The following POLA1 variants were observed in gnomAD, a reference collection of about 807,000 sequenced individuals.
The protein encoded by POLA1 is DNA polymerase alpha catalytic subunit.
A neutral mutation model predicts 124.0 loss-of-function variants in POLA1; 15 were observed. The ratio of observed to expected loss-of-function variants is 0.12; its 90% confidence interval spans 0.08 to 0.19. The LOEUF (loss-of-function observed/expected upper bound fraction) is 0.19. Among genes scored for constraint, POLA1 ranks in the 10% least tolerant of loss-of-function variants. The probability of loss-of-function intolerance (pLI) is 1.00; values close to 1 mark genes in which losing one functional copy is unlikely to be tolerated. For synonymous variants in POLA1, 408 were observed against 389.4 expected (o/e 1.05, Z -0.56); for missense variants, 886 against 1,103.4 (o/e 0.80, Z 2.79).
intron 26 of POLA1, among the ~76,000 whole-genome samples, chrX:24,803,162 T>C (rs556059834): frequency 1.8e-5 from 2 of 111,724 alleles, no homozygotes; most frequent in Admixed American, 1.9e-4. Flanking sequence ...CAGTTGAATG[T>C]GTGCCTGGAT....
At chrX:24,844,181 T>A (rs1569335767) in intron 34 of POLA1, among the ~76,000 whole-genome samples, 1 of 111,743 alleles carries the variant, frequency 8.9e-6, no homozygotes, top group Non-Finnish European at 1.9e-5. Flanking sequence ...TCTTTTAAAT[T>A]TAAATGCAGT....
chrX:24,882,597 C>T (rs2047016072), intron 34 of POLA1, among the ~76,000 whole-genome samples: 1 of 110,632 alleles, frequency 9.0e-6, no homozygotes. Context: ...CATTAATCTG[C>T]TTAGCATGAT....
intron 4 of POLA1, among the ~76,000 whole-genome samples, chrX:24,709,322 C>A (rs868222892): frequency 1.1e-5 from 1 of 89,200 alleles, no homozygotes; most frequent in Non-Finnish European, 2.2e-5. Flanking sequence ...CCGGATGGGG[C>A]GGCTGGCTGG....
At chrX:24,857,534 A>G (rs1257033064) in intron 34 of POLA1, among the ~76,000 whole-genome samples, 1 of 111,122 alleles carries the variant, frequency 9.0e-6, no homozygotes, top group Non-Finnish European at 1.9e-5. Flanking sequence ...TGAACACTTT[A>G]TGTCTCATTT....
intron 36 of POLA1, among the ~76,000 whole-genome samples, chrX:24,952,064 G>A (rs11573491): frequency 9.0e-6 from 1 of 111,667 alleles, no homozygotes; most frequent in Non-Finnish European, 1.9e-5. Context: ...GAGTGCTTTG[G>A]TAAATGTGTT....
At chrX:24,906,981 A>C (rs2047377367) in intron 35 of POLA1, among the ~76,000 whole-genome samples, 1 of 111,508 alleles carries the variant, frequency 9.0e-6, no homozygotes, top group Admixed American at 9.5e-5. Context: ...TGAGGCCAGG[A>C]GTTCAAGACC....
chrX:24,743,402 C>T, intron 23 of POLA1, 73 bp downstream of exon 23: 1 of 525,326 alleles, frequency 1.9e-6, no homozygotes, highest in Middle Eastern at 3.4e-4. Context: ...GCTTGAGAAA[C>T]TAGAAGACTG....
At chrX:24,868,875 A>G (rs1450751362) in intron 34 of POLA1, among the ~76,000 whole-genome samples, 1 of 112,069 alleles carries the variant, frequency 8.9e-6, no homozygotes, top group African/African-American at 3.2e-5. Context: ...AAAGAAGAAA[A>G]GCCCACAAAT....
At chrX:24,870,747 A>C (rs932535473) in intron 34 of POLA1, among the ~76,000 whole-genome samples, 1 of 111,984 alleles carries the variant, frequency 8.9e-6, no homozygotes, top group Non-Finnish European at 1.9e-5. Context: ...GGCATTCCTA[A>C]AATCATCTTA....
intron 6 of POLA1, among the ~76,000 whole-genome samples, chrX:24,715,645 A>G (rs1929781114): frequency 9.0e-6 from 1 of 111,552 alleles, no homozygotes; most frequent in African/African-American, 3.3e-5. Flanking sequence ...ACCCCCCACC[A>G]AAAAACAAAG....
chrX:24,933,036 A>G (rs752732717), intron 36 of POLA1, among the ~76,000 whole-genome samples: 17 of 111,805 alleles, frequency 1.5e-4, no homozygotes, highest in Non-Finnish European at 2.8e-4. Flanking sequence ...CATAGATCCT[A>G]TGTCCACAGA....
chrX:24,868,422 C>T (rs759379706), intron 34 of POLA1, among the ~76,000 whole-genome samples: 1 of 111,838 alleles, frequency 8.9e-6, no homozygotes, highest in Non-Finnish European at 1.9e-5. Flanking sequence ...TCTTGTATCA[C>T]TGTGCAATAG....
chrX:24,990,907 C>G (rs1034810738), intron 36 of POLA1, among the ~76,000 whole-genome samples: 4 of 112,178 alleles, frequency 3.6e-5, no homozygotes, highest in African/African-American at 1.3e-4. Context: ...TGCTCTCATT[C>G]AGCCACTTCA....
At chrX:24,780,554 C>T (rs977113405) in intron 26 of POLA1, among the ~76,000 whole-genome samples, 11 of 111,818 alleles carry the variant, frequency 9.8e-5, no homozygotes, top group African/African-American at 3.6e-4. Flanking sequence ...TTGAAGTGAT[C>T]ATGAGATTTT....
At chrX:24,971,807 T>C (rs1276372544) in intron 36 of POLA1, among the ~76,000 whole-genome samples, 4 of 110,973 alleles carry the variant, frequency 3.6e-5, no homozygotes, top group Non-Finnish European at 7.5e-5. Flanking sequence ...GCTTAGAGAG[T>C]GTAAAGGGTG....
intron 26 of POLA1, among the ~76,000 whole-genome samples, chrX:24,769,142 A>G (rs2044973180): frequency 8.9e-6 from 1 of 111,737 alleles, no homozygotes; most frequent in African/African-American, 3.3e-5. Flanking sequence ...TCCTCATTCT[A>G]TGTAAGAATT....
chrX:24,733,373 T>C (rs1931058466), intron 16 of POLA1, among the ~76,000 whole-genome samples: 1 of 112,252 alleles, frequency 8.9e-6, no homozygotes, highest in African/African-American at 3.2e-5. Flanking sequence ...GAACTTACAG[T>C]GTGTAATAGG....
intron 26 of POLA1, among the ~76,000 whole-genome samples, chrX:24,752,498 A>T (rs1932370717): frequency 1.8e-5 from 2 of 112,267 alleles, no homozygotes; most frequent in Non-Finnish European, 3.8e-5. Context: ...CATAAAAAAG[A>T]AATTGGGCAA....
chrX:24,782,681 C>G (rs781085532), intron 26 of POLA1, among the ~76,000 whole-genome samples: 1 of 110,636 alleles, frequency 9.0e-6, no homozygotes, highest in Non-Finnish European at 1.9e-5. Flanking sequence ...TATAGTGGTC[C>G]CCATGTACTG....
Sources: gnomAD v4.1 joint callset for allele counts (sites outside exome capture counted in the v4.1 genomes callset) on GRCh38, gnomAD v4.1.1 for gene constraint, MANE v1.5 for transcripts, NCBI Gene and HGNC (gene_info 2026-07-23, HGNC 2026-07-21) for gene names.